The following PPFIBP1 variants were observed in gnomAD, a reference collection of about 807,000 sequenced individuals.
The protein encoded by PPFIBP1 is liprin-beta-1.
PPFIBP1 carries 112 observed loss-of-function variants against 137.8 expected under a neutral mutation model. The observed-to-expected ratio is 0.81, with a 90% CI of 0.70 to 0.95. The LOEUF (loss-of-function observed/expected upper bound fraction) is 0.95. PPFIBP1 is among the 40% of genes least tolerant of loss of function. PPFIBP1 has a pLI of 0.00. For missense variants in PPFIBP1, 1,083 were observed against 1,196.6 expected (o/e 0.91, Z 1.40); for synonymous variants, 378 against 417.3 (o/e 0.91, Z 1.15).
chr12:27,601,509 G>T (rs181800597), intron 2 of PPFIBP1, among the ~76,000 whole-genome samples: 3 of 152,240 alleles, frequency 2.0e-5, no homozygotes, highest in East Asian at 3.9e-4. Context: ...GCTGCCAAAG[G>T]CTACACACTC....
intron 2 of PPFIBP1, among the ~76,000 whole-genome samples, chr12:27,611,911 C>T (rs73080239): frequency 0.011 from 1,604 of 152,190 alleles, 34 homozygotes; most frequent in African/African-American, 0.037. Flanking sequence ...CGTCTTTCCC[C>T]CTCAAGTCCA....
In PPFIBP1 at chr12:27,664,461, T is replaced by A; in HGVS notation, c.991+15T>A. On this transcript the variant is annotated intron_variant, in intron 12 of 29. Coordinates refer to ENST00000228425, the MANE Select transcript of PPFIBP1 (RefSeq NM_003622.4). ...AGGTAAAAAAGGTAGAGTGTAGCTC[T>A]AAAAGTTTTTCTACTTTGGTTGACT... The A allele has an allele frequency of 6.4e-7, 1 of 1,564,594 alleles. No homozygotes were observed. The highest frequency in any genetic ancestry group is 8.7e-7 in the Non-Finnish European group (1 of 1,152,020).
chr12:27,645,466 G>T (rs2058407000), intron 4 of PPFIBP1, among the ~76,000 whole-genome samples: 1 of 152,124 alleles, frequency 6.6e-6, no homozygotes, highest in Non-Finnish European at 1.5e-5. Flanking sequence ...GTGGGGGGCA[G>T]GAGGGAGGGG....
intron 4 of PPFIBP1, 51 bp downstream of exon 4, chr12:27,635,166 C>G: frequency 6.3e-7 from 1 of 1,575,872 alleles, no homozygotes; most frequent in Non-Finnish European, 8.7e-7. Flanking sequence ...TTGCTTATTC[C>G]AAAATTTAGA....
At chr12:27,674,811 A>ATTTTTTTTTTTTTTTTTTTTTTTTTTTTT (rs72418237) in intron 17 of PPFIBP1, among the ~76,000 whole-genome samples, 1 of 108,706 alleles carries the variant, frequency 9.2e-6, no homozygotes, top group Non-Finnish European at 1.8e-5. Context: ...CTTTCCCCTG[A>ATTTTTTTTTTTTTTTTTTTTTTTTTTTTT]TTTTTTTTTT....
intron 8 of PPFIBP1, chr12:27,655,072 C>T: frequency 8.3e-7 from 1 of 1,201,516 alleles, no homozygotes; most frequent in Admixed American, 2.0e-5. Flanking sequence ...TAAACTGATA[C>T]TGTTTTCTCG....
intron 2 of PPFIBP1, chr12:27,593,343 T>A: frequency 2.4e-6 from 1 of 411,152 alleles, no homozygotes; most frequent in Admixed American, 2.9e-5. Context: ...GTCGTAAGAT[T>A]CTGTGGTTCA....
chr12:27,618,302 A>T (rs528403567), intron 2 of PPFIBP1, among the ~76,000 whole-genome samples: 1 of 152,318 alleles, frequency 6.6e-6, no homozygotes, highest in East Asian at 1.9e-4. Flanking sequence ...GTTAACCCGA[A>T]AAACTAGTTT....
At chr12:27,552,592 T>A (rs955943058) in intron 1 of PPFIBP1, 3 of 152,216 alleles carry the variant, frequency 2.0e-5, no homozygotes, top group Non-Finnish European at 4.4e-5. Context: ...TCCAAATCGA[T>A]GTTTCTCAGG....
intron 2 of PPFIBP1, among the ~76,000 whole-genome samples, chr12:27,607,418 A>G (rs1159146369): frequency 6.6e-6 from 1 of 152,250 alleles, no homozygotes; most frequent in African/African-American, 2.4e-5. Flanking sequence ...AGGAAATTTT[A>G]ACAAGAAAAT....
At chr12:27,613,154 C>T (rs1436266818) in intron 2 of PPFIBP1, among the ~76,000 whole-genome samples, 1 of 152,216 alleles carries the variant, frequency 6.6e-6, no homozygotes, top group African/African-American at 2.4e-5. Context: ...TGCTATTAGA[C>T]TCTCCCTGAT....
At chr12:27,643,225 C>T (rs1321872346) in intron 4 of PPFIBP1, among the ~76,000 whole-genome samples, 6 of 141,718 alleles carry the variant, frequency 4.2e-5, no homozygotes, top group African/African-American at 1.1e-4. Context: ...GCAAGAAGGG[C>T]AGATCAAAAC....
At chr12:27,641,475 C>G (rs953535759) in intron 4 of PPFIBP1, among the ~76,000 whole-genome samples, 7 of 152,160 alleles carry the variant, frequency 4.6e-5, no homozygotes, top group African/African-American at 1.4e-4. Context: ...GAAGTAATAA[C>G]TATTGAAATG....
chr12:27,579,640 A>G (rs1351501747), intron 2 of PPFIBP1, among the ~76,000 whole-genome samples: 1 of 152,154 alleles, frequency 6.6e-6, no homozygotes, highest in Non-Finnish European at 1.5e-5. Context: ...TACCTATTTT[A>G]CAGTTGCTGG....
At position 27,682,679 on chromosome 12, in the gene PPFIBP1, T is replaced by C. The variant is rs750497404; in HGVS notation, c.2223T>C (p.Gly741=). The C allele has an allele frequency of 5.8e-5, 93 of 1,614,036 alleles. 1 individual carries two copies. The South Asian group carries it at 1.0e-3, about 18-fold the overall frequency. Residue 741 remains glycine (G), a synonymous_variant, in exon 24 of 30, where the codon GGT becomes GGC. Coordinates refer to ENST00000228425, the MANE Select transcript of PPFIBP1 (RefSeq NM_003622.4). ...KTQFDEGRVD[G]RMLHYMTVDD... is the part of the protein sequence containing the mutation. ...AGTTTGATGAAGGACGGGTTGATGGTCGAATGCTACATTACATGACTGTTG... is the reference window on the plus strand; with the variant it reads ...AGTTTGATGAAGGACGGGTTGATGGCCGAATGCTACATTACATGACTGTTG...
intron 27 of PPFIBP1, among the ~76,000 whole-genome samples, chr12:27,690,608 G>A (rs2061475593): frequency 6.6e-6 from 1 of 152,180 alleles, no homozygotes; most frequent in Non-Finnish European, 1.5e-5. Context: ...GCAAGATTCT[G>A]CCTCTAAAAA....
intron 12 of PPFIBP1, among the ~76,000 whole-genome samples, chr12:27,665,668 T>C (rs779825446): frequency 1.3e-5 from 2 of 152,128 alleles, no homozygotes; most frequent in Non-Finnish European, 2.9e-5. Context: ...ATAAATAGAG[T>C]TATTTGCTCG....
chr12:27,626,119 G>C (rs1471605726), intron 2 of PPFIBP1, among the ~76,000 whole-genome samples: 1 of 152,096 alleles, frequency 6.6e-6, no homozygotes, highest in East Asian at 1.9e-4. Flanking sequence ...GGATGTTAGA[G>C]CAGATTGGTG....
At chr12:27,588,664 A>G (rs2052087176) in intron 2 of PPFIBP1, among the ~76,000 whole-genome samples, 1 of 152,230 alleles carries the variant, frequency 6.6e-6, no homozygotes, top group South Asian at 2.1e-4. Context: ...CAGGTGAGGA[A>G]AAACTAAATA....
Sources: allele counts gnomAD v4.1 joint callset (sites outside exome capture counted in the v4.1 genomes callset), GRCh38; gene constraint gnomAD v4.1.1; transcripts MANE v1.5; gene names NCBI Gene and HGNC (gene_info 2026-07-23, HGNC 2026-07-21).